The following VAV2 variants were observed in gnomAD, a reference collection of about 807,000 sequenced individuals.
VAV2 encodes the protein guanine nucleotide exchange factor VAV2.
In VAV2, 67 loss-of-function variants were observed where a neutral mutation model predicts 132.5. The ratio of observed to expected loss-of-function variants is 0.51; its 90% CI spans 0.42 to 0.62. The LOEUF is 0.62. Ranked by LOEUF, VAV2 falls within the 20% of genes least tolerant of loss-of-function variation. The pLI is 0.00. For missense variants in VAV2, 938 were observed against 1,153.6 expected (o/e 0.81, Z 2.71); for synonymous variants, 492 against 443.5 (o/e 1.11, Z -1.37).
At chr9:133,831,128 C>G (rs1836245536) in intron 4 of VAV2, among the ~76,000 whole-genome samples, 1 of 152,024 alleles carries the variant, frequency 6.6e-6, no homozygotes, top group Admixed American at 6.6e-5. Context: ...TCAGGACGGG[C>G]AGAGAAAGAT....
intron 9 of VAV2, among the ~76,000 whole-genome samples, chr9:133,804,000 C>A (rs998661028): frequency 7.9e-5 from 12 of 152,108 alleles, no homozygotes; most frequent in African/African-American, 2.9e-4. Flanking sequence ...CCTGGGCTCT[C>A]CAGCAACGCC....
chr9:133,889,749 T>A (rs1208893590), intron 2 of VAV2, among the ~76,000 whole-genome samples: 2 of 22,996 alleles, frequency 8.7e-5, no homozygotes, highest in African/African-American at 1.3e-4. Context: ...ACATTTCATT[T>A]ACACACACAC....
intron 2 of VAV2, among the ~76,000 whole-genome samples, chr9:133,907,538 G>A (rs1258335951): frequency 6.6e-6 from 1 of 152,210 alleles, no homozygotes; most frequent in African/African-American, 2.4e-5. Flanking sequence ...CTCCTCGGCT[G>A]ACTAACTTTA....
chr9:133,971,190 T>C (rs1842321655), intron 1 of VAV2, among the ~76,000 whole-genome samples: 1 of 152,130 alleles, frequency 6.6e-6, no homozygotes, highest in African/African-American at 2.4e-5. Flanking sequence ...TCTCCAAAGC[T>C]TGCAGATGGA....
chr9:133,885,166 A>G lies in VAV2; in HGVS notation c.322-23734T>C, dbSNP rs1838652728. Among the ~76,000 whole-genome samples the G allele has an allele frequency of 6.6e-6, 1 of 152,122 alleles. No individual in the cohort carries two copies. Among genetic ancestry groups the G allele is most frequent in the Non-Finnish European group, 1.5e-5 (1 of 68,020 alleles). ...GAATCTTCTCTGAACCAGTGACTTC[A>G]TTTGCTCCAGTGTCCTGCGATTGAT... On this transcript the variant is annotated intron_variant, in intron 2 of 29. Transcript: ENST00000371850. The surrounding 1 kb of genome is among the most constrained non-coding windows in gnomAD (Gnocchi z 5.0).
rs1840486943 is a variant in VAV2 at position 133,926,512 on chromosome 9, G to T, written c.321+12591C>A. Among the ~76,000 whole-genome samples the T allele has an allele frequency of 6.6e-6, 1 of 152,094 alleles. No individual in the cohort carries two copies. The highest frequency in any genetic ancestry group is 1.5e-5 in the Non-Finnish European group (1 of 68,006). On this transcript the variant is annotated intron_variant, in intron 2 of 29. Transcript: ENST00000371850. The surrounding 1 kb of genome is among the most constrained non-coding windows in gnomAD (Gnocchi z 4.3). ...CTCTCTGGTAGGGCTCTCTGGCACT[G>T]CCCTAGCTCCTGCCCCTCCCAGTCT... is the stretch of plus-strand genomic sequence containing the variant.
chr9:133,974,759 T>C (rs1013828227), intron 1 of VAV2, among the ~76,000 whole-genome samples: 11 of 152,214 alleles, frequency 7.2e-5, no homozygotes, highest in East Asian at 5.8e-4. Flanking sequence ...CGCGGACAGA[T>C]AGGTCACGCC....
intron 2 of VAV2, among the ~76,000 whole-genome samples, chr9:133,876,694 G>T (rs773839366): frequency 3.2e-4 from 49 of 152,202 alleles, no homozygotes; most frequent in Non-Finnish European, 6.2e-4. Flanking sequence ...CGGCCCCAAG[G>T]AGTCTTCTAA....
At chr9:133,813,056 G>A (rs185056446) in intron 4 of VAV2, among the ~76,000 whole-genome samples, 39 of 152,338 alleles carry the variant, frequency 2.6e-4, no homozygotes, top group Admixed American at 2.5e-3. Flanking sequence ...CTGGGGCTCA[G>A]CAAGTCTTTC....
rs112557876 is a variant in VAV2, at chr9:133,906,525, G to A, written c.321+32578C>T. Among the ~76,000 whole-genome samples the A allele has an allele frequency of 4.7e-3, 723 of 152,324 alleles. 4 individuals are homozygous for A. Among genetic ancestry groups the A allele is most frequent in the African/African-American group, 0.013 (533 of 41,566 alleles). ...CCCCCAGCTTCAATCCTGCAAGGAC[G>A]TGGGAGCCACTGGGCCCGATCAGCC... On this transcript the variant is annotated intron_variant, in intron 2 of 29. Coordinates refer to ENST00000371850, the MANE Select transcript of VAV2 (RefSeq NM_001134398.2).
chr9:133,798,679 T>A (rs559328532), intron 9 of VAV2, among the ~76,000 whole-genome samples: 1 of 152,226 alleles, frequency 6.6e-6, no homozygotes, highest in Non-Finnish European at 1.5e-5. Context: ...GGTGACAATG[T>A]TGGTGACAAC....
intron 3 of VAV2, among the ~76,000 whole-genome samples, chr9:133,838,368 G>A (rs556737116): frequency 6.7e-6 from 1 of 150,268 alleles, no homozygotes; most frequent in South Asian, 2.1e-4. Flanking sequence ...ATGAGTAGGT[G>A]GAGGATAGAT....
rs763067735 is a variant in VAV2, at chr9:133,769,073, C to G, written c.2434+344G>C. Among the ~76,000 whole-genome samples the G allele has an allele frequency of 6.6e-6, 1 of 152,254 alleles. No individual in the cohort carries two copies. Among genetic ancestry groups the G allele is most frequent in the Non-Finnish European group, 1.5e-5 (1 of 68,040 alleles). On this transcript the variant is annotated intron_variant, in intron 28 of 29. Transcript: ENST00000371850. The surrounding 1 kb of genome is among the most constrained non-coding windows in gnomAD (Gnocchi z 8.1). ...CCCTCCTCCCTGCACCCAAGTCCCA[C>G]AGCTCCTCCTCGTGGCCACCTGCTT...
intron 4 of VAV2, among the ~76,000 whole-genome samples, chr9:133,820,542 G>T (rs193254776): frequency 2.0e-5 from 3 of 152,086 alleles, no homozygotes; most frequent in African/African-American, 4.8e-5. Context: ...AGCCAGGATG[G>T]TCTCAATCTC....
chr9:133,768,547 G>T lies in VAV2; in HGVS notation c.2484C>A (p.Ala828=). Residue 828 remains alanine, a synonymous_variant, in exon 29 of 30, where the codon GCC becomes GCA. Transcript: ENST00000371850. This position sits in a 1 kb window ranked among gnomAD's most constrained non-coding sequence, Gnocchi z 5.3. ...IGTAVARYNF[A]ARDMRELSLR... The stretch of plus-strand genomic sequence containing the variant: ...GCGAAAGCTCCCTCATATCTCGGGC[G>T]GCAAAGTTATACCTGGCCACAGCTG... 1 of 1,614,016 alleles carries T rather than the reference G, an allele frequency of 6.2e-7. No homozygotes were observed. Among genetic ancestry groups the T allele is most frequent in the Non-Finnish European group, 8.5e-7 (1 of 1,179,990 alleles).
chr9:133,943,268 C>T (rs739449), intron 1 of VAV2, among the ~76,000 whole-genome samples: 52,076 of 152,056 alleles, frequency 0.34, 9,909 homozygotes, highest in Non-Finnish European at 0.42. Flanking sequence ...GAGACCCTGA[C>T]GGTTGGCAGG....
chr9:133,985,215 A>T (rs192485374), intron 1 of VAV2, among the ~76,000 whole-genome samples: 9 of 142,036 alleles, frequency 6.3e-5, no homozygotes, highest in Non-Finnish European at 7.6e-5. Context: ...ACCTCATCCT[A>T]TCTTGCCTTA....
rs1182813842 is a variant in VAV2 at position 133,885,685 on chromosome 9, A to G, written c.322-24253T>C. Among the ~76,000 whole-genome samples the G allele has an allele frequency of 6.6e-6, 1 of 151,912 alleles. No homozygotes were observed. Among genetic ancestry groups the G allele is most frequent in the Non-Finnish European group, 1.5e-5 (1 of 67,980 alleles). ...CATCTAACAGCTCTGAAATGACTGG[A>G]CTCTGCATCTGGCCTCACCAGGTGA... is the stretch of plus-strand genomic sequence containing the variant. On this transcript the variant is annotated intron_variant, in intron 2 of 29. Transcript: ENST00000371850. The surrounding 1 kb of genome is among the most constrained non-coding windows in gnomAD (Gnocchi z 5.0).
rs756372327 is a variant in VAV2 at position 133,795,750 on chromosome 9, AAG to A, written c.1033-16_1033-15del. The A allele has an allele frequency of 6.2e-7, 1 of 1,613,078 alleles. No individual in the cohort carries two copies. Among genetic ancestry groups the A allele is most frequent in the Non-Finnish European group, 8.5e-7 (1 of 1,179,158 alleles). ...GCTCAGAAGCTCCTGGAAGGGTGAG[AAG>A]AGTGTCATGTGTTACCACTCGGGGG... On this transcript the variant is annotated splice_polypyrimidine_tract_variant and intron_variant, in intron 11 of 29. Coordinates refer to ENST00000371850, the MANE Select transcript of VAV2 (RefSeq NM_001134398.2).
Sources: gnomAD v4.1 joint callset for allele counts (sites outside exome capture counted in the v4.1 genomes callset) on GRCh38, gnomAD v4.1.1 for gene constraint, Gnocchi (gnomAD v3.1) non-coding constraint, MANE v1.5 for transcripts, NCBI Gene and HGNC (gene_info 2026-07-23, HGNC 2026-07-21) for gene names.